The following NKAIN2 variants were observed in gnomAD, a reference collection of about 807,000 sequenced individuals.
NKAIN2 encodes the protein sodium/potassium transporting ATPase interacting 2, also known as sodium/potassium-transporting ATPase subunit beta-1-interacting protein 2.
A neutral mutation model predicts 32.6 loss-of-function variants in NKAIN2; 14 were observed. The observed-to-expected ratio is 0.43, with a 90% CI of 0.28 to 0.67. The LOEUF (loss-of-function observed/expected upper bound fraction) is 0.67. Among genes scored for constraint, NKAIN2 ranks in the 30% least tolerant of loss-of-function variants. The pLI, the probability that NKAIN2 is intolerant of heterozygous loss-of-function variation, is 0.17. For synonymous variants in NKAIN2, 80 were observed against 87.2 expected (o/e 0.92, Z 0.46); for missense variants, 198 against 258.3 (o/e 0.77, Z 1.60).
At chr6:124,338,118 C>CTA (rs1354887963) in intron 2 of NKAIN2, among the ~76,000 whole-genome samples, 1 of 152,126 alleles carries the variant, frequency 6.6e-6, no homozygotes, top group African/African-American at 2.4e-5. Flanking sequence ...TCCCAGGATA[C>CTA]ATCAGTTAAT....
chr6:124,476,875 A>G (rs894685884), intron 3 of NKAIN2, among the ~76,000 whole-genome samples: 1 of 152,130 alleles, frequency 6.6e-6, no homozygotes, highest in Non-Finnish European at 1.5e-5. Context: ...GACCCTAGAT[A>G]TGAATTTAGG....
At chr6:124,288,377 T>C (rs1795656915) in intron 2 of NKAIN2, among the ~76,000 whole-genome samples, 1 of 152,202 alleles carries the variant, frequency 6.6e-6, no homozygotes, top group Non-Finnish European at 1.5e-5. Flanking sequence ...AAATTTAAAA[T>C]TCATTACAGC....
At chr6:124,568,049 A>T (rs1780987963) in intron 3 of NKAIN2, among the ~76,000 whole-genome samples, 1 of 152,124 alleles carries the variant, frequency 6.6e-6, no homozygotes, top group East Asian at 1.9e-4. Context: ...AGCAGAAGAG[A>T]GCATATGATG....
chr6:123,894,757 G>A (rs779584085), intron 1 of NKAIN2, among the ~76,000 whole-genome samples: 35 of 152,002 alleles, frequency 2.3e-4, no homozygotes, highest in Non-Finnish European at 4.0e-4. Flanking sequence ...ATGTGAATGC[G>A]GGGAAGGGGC....
chr6:124,261,864 C>CA (rs145582914), intron 1 of NKAIN2, among the ~76,000 whole-genome samples: 32,513 of 133,576 alleles, frequency 0.24, 3,753 homozygotes, highest in African/African-American at 0.33. Flanking sequence ...TTCCATCTCA[C>CA]ACAAAAAAAA....
intron 4 of NKAIN2, among the ~76,000 whole-genome samples, chr6:124,690,074 T>C (rs1241362802): frequency 6.6e-6 from 1 of 152,152 alleles, no homozygotes; most frequent in Non-Finnish European, 1.5e-5. Flanking sequence ...TTGAATAATC[T>C]TATCCATGAA....
At chr6:124,345,121 A>G (rs1402703575) in intron 2 of NKAIN2, among the ~76,000 whole-genome samples, 1 of 152,030 alleles carries the variant, frequency 6.6e-6, no homozygotes, top group African/African-American at 2.4e-5. Context: ...TTCTGTTTAT[A>G]TGCTAGTTTA....
intron 3 of NKAIN2, among the ~76,000 whole-genome samples, chr6:124,512,239 A>G (rs935914905): frequency 2.0e-5 from 3 of 152,184 alleles, no homozygotes; most frequent in African/African-American, 4.8e-5. Context: ...AGGAATCACA[A>G]TGGCACCCAA....
intron 3 of NKAIN2, among the ~76,000 whole-genome samples, chr6:124,428,891 G>T (rs1775090338): frequency 6.6e-6 from 1 of 152,134 alleles, no homozygotes; most frequent in Non-Finnish European, 1.5e-5. Flanking sequence ...AATATGCATA[G>T]CAGGGTTTTA....
At chr6:124,347,090 A>G (rs1274507296) in intron 2 of NKAIN2, among the ~76,000 whole-genome samples, 2 of 151,156 alleles carry the variant, frequency 1.3e-5, no homozygotes, top group African/African-American at 2.4e-5. Context: ...TCCTTCACTT[A>G]TGAAGCTTAG....
chr6:124,144,001 GC>G (rs1399322066), intron 1 of NKAIN2, among the ~76,000 whole-genome samples: 1 of 152,142 alleles, frequency 6.6e-6, no homozygotes, highest in Non-Finnish European at 1.5e-5. Flanking sequence ...GATGTAATGT[GC>G]AAGTAGCTGT....
At chr6:123,975,421 A>G (rs1307528404) in intron 1 of NKAIN2, among the ~76,000 whole-genome samples, 2 of 152,196 alleles carry the variant, frequency 1.3e-5, no homozygotes, top group African/African-American at 2.4e-5. Context: ...CTGAAGCACT[A>G]TAACTTAATT....
chr6:124,714,715 G>C (rs916716621), intron 4 of NKAIN2, among the ~76,000 whole-genome samples: 9 of 152,184 alleles, frequency 5.9e-5, no homozygotes, highest in Non-Finnish European at 1.2e-4. Context: ...CCTGAGGCAG[G>C]CTTTGATATC....
intron 1 of NKAIN2, among the ~76,000 whole-genome samples, chr6:124,182,483 TA>T (rs1365691884): frequency 2.6e-5 from 4 of 152,220 alleles, no homozygotes; most frequent in African/African-American, 9.6e-5. Flanking sequence ...AAATTATTAG[TA>T]AAATATTTTA....
At chr6:124,738,259 C>T (rs969524220) in intron 4 of NKAIN2, among the ~76,000 whole-genome samples, 17 of 151,678 alleles carry the variant, frequency 1.1e-4, no homozygotes, top group African/African-American at 1.7e-4. Flanking sequence ...AGTTTTGTTA[C>T]GTGAGCAATC....
intron 4 of NKAIN2, among the ~76,000 whole-genome samples, chr6:124,715,906 A>C (rs962324221): frequency 6.6e-6 from 1 of 152,224 alleles, no homozygotes; most frequent in Non-Finnish European, 1.5e-5. Context: ...GGCACAGGTG[A>C]AATCACTCTA....
At position 124,491,497 on chromosome 6, in the gene NKAIN2, C is replaced by A. The variant is rs537402168; in HGVS notation, c.273+136150C>A. Among the ~76,000 whole-genome samples, 10 of 151,794 alleles carry A rather than the reference C, an allele frequency of 6.6e-5. No homozygotes were observed. In the East Asian group the frequency reaches 1.9e-3, roughly 29 times the overall value. On this transcript the variant is annotated intron_variant, in intron 3 of 6. Transcript: ENST00000368417. The stretch of plus-strand genomic sequence containing the variant: ...GCTATGAGAAAGGTACTACCATGTA[C>A]CTTATTTGGAATAAAAATGAACGCA...
At chr6:124,326,067 T>A (rs1441244904) in intron 2 of NKAIN2, among the ~76,000 whole-genome samples, 1 of 151,844 alleles carries the variant, frequency 6.6e-6, no homozygotes, top group African/African-American at 2.4e-5. Flanking sequence ...CAAATTTTTT[T>A]ACTTCTTTTG....
At chr6:123,817,356 C>T (rs1210844035) in intron 1 of NKAIN2, among the ~76,000 whole-genome samples, 1 of 152,102 alleles carries the variant, frequency 6.6e-6, no homozygotes, top group Non-Finnish European at 1.5e-5. Flanking sequence ...GTTTTGACAA[C>T]CAAAGTGTCT....
Sources: allele counts gnomAD v4.1 joint callset (sites outside exome capture counted in the v4.1 genomes callset), GRCh38; gene constraint gnomAD v4.1.1; transcripts MANE v1.5; gene names NCBI Gene and HGNC (gene_info 2026-07-23, HGNC 2026-07-21).